ETFB: variants seen among roughly 807,000 people sequenced by gnomAD.
ETFB encodes the protein beta-ETF.
In ETFB, 20 loss-of-function variants were observed where a neutral mutation model predicts 25.6. The observed-to-expected ratio is 0.78, with a 90% CI of 0.55 to 1.14. ETFB has a LOEUF of 1.14. Ranked by LOEUF, ETFB falls within the 50% of genes most tolerant of loss-of-function variation. ETFB has a pLI of 0.00. For missense variants in ETFB, 286 were observed against 342.6 expected (o/e 0.83, Z 1.30); for synonymous variants, 142 against 146.7 (o/e 0.97, Z 0.23).
chr19:51,355,035 A>G (rs1187502020), intron 1 of ETFB: 1 of 226,018 alleles, frequency 4.4e-6, no homozygotes, highest in African/African-American at 2.3e-5. Flanking sequence ...AGAGTTATGC[A>G]GATAGCTTTA....
At chr19:51,347,090 T>C in intron 4 of ETFB, 32 bp from the exon 5 acceptor site, 1 of 1,612,610 alleles carries the variant, frequency 6.2e-7, no homozygotes, top group Non-Finnish European at 8.5e-7. Context: ...GGAGAGTGGG[T>C]GAGGCTAATT....
At chr19:51,351,577 G>C (rs1985934403) in intron 3 of ETFB, among the ~76,000 whole-genome samples, 1 of 152,224 alleles carries the variant, frequency 6.6e-6, no homozygotes, top group African/African-American at 2.4e-5. Context: ...CAAATGCAGG[G>C]GGCTGCAAAG....
intron 4 of ETFB, 122 bp downstream of exon 4, chr19:51,350,207 G>A (rs1985897776): frequency 9.1e-7 from 1 of 1,097,144 alleles, no homozygotes; most frequent in Middle Eastern, 2.8e-4. Flanking sequence ...AAAGCCATGA[G>A]GCAATCCGAG....
chr19:51,347,611 C>T (rs1172371053), intron 4 of ETFB: 1 of 155,618 alleles, frequency 6.4e-6, no homozygotes, highest in African/African-American at 2.4e-5. Flanking sequence ...CTAGCCAGGT[C>T]CCTTTGCCTC....
chr19:51,355,288 GA>G (rs1374944830), intron 1 of ETFB: 1 of 152,542 alleles, frequency 6.6e-6, no homozygotes, highest in Non-Finnish European at 1.5e-5. Flanking sequence ...CGAAGGATAT[GA>G]ATAGACACTT....
intron 1 of ETFB, chr19:51,354,719 G>A: frequency 1.3e-6 from 2 of 1,540,410 alleles, no homozygotes; most frequent in Non-Finnish European, 1.8e-6. Context: ...GGAAAAACCA[G>A]TTAGGTAGAC....
intron 3 of ETFB, among the ~76,000 whole-genome samples, chr19:51,352,570 C>T (rs1376743094): frequency 6.6e-6 from 1 of 152,160 alleles, no homozygotes; most frequent in East Asian, 1.9e-4. Context: ...ATGTGACCAT[C>T]ACCTCGGCCT....
chr19:51,352,058 G>A (rs976208743), intron 3 of ETFB, among the ~76,000 whole-genome samples: 2 of 151,964 alleles, frequency 1.3e-5, no homozygotes, highest in East Asian at 3.9e-4. Flanking sequence ...CAGAGGTGGT[G>A]CCCGAGGGTC....
At chr19:51,357,837 T>C (rs951242713) in intron 1 of ETFB, among the ~76,000 whole-genome samples, 3 of 151,614 alleles carry the variant, frequency 2.0e-5, no homozygotes, top group Non-Finnish European at 2.9e-5. Context: ...GTGGAGAAAA[T>C]TGGAAAAGGA....
chr19:51,350,469 G>T, intron 3 of ETFB, 78 bp from the exon 4 acceptor site: 5 of 791,398 alleles, frequency 6.3e-6, no homozygotes, highest in Middle Eastern at 2.5e-4. Flanking sequence ...TAGAACAGGG[G>T]TTGGCAAACT....
At chr19:51,364,524 C>T (rs11882650) in intron 1 of ETFB, among the ~76,000 whole-genome samples, 7,011 of 152,234 alleles carry the variant, frequency 0.046, 574 homozygotes, top group African/African-American at 0.16. Context: ...CTGAGTCAAA[C>T]GTGGGCCTGC....
intron 1 of ETFB, chr19:51,365,557 T>C (rs577716598): frequency 6.5e-6 from 1 of 154,228 alleles, no homozygotes; most frequent in South Asian, 2.0e-4. Context: ...AGGCCAAGCA[T>C]TGAGAGAAAC....
intron 3 of ETFB, among the ~76,000 whole-genome samples, chr19:51,352,432 C>A (rs1482377905): frequency 4.6e-5 from 7 of 152,086 alleles, no homozygotes; most frequent in Admixed American, 4.6e-4. Flanking sequence ...ACCTGTGTTA[C>A]CAAGGCAGAC....
At chr19:51,354,630 G>C in intron 1 of ETFB, 1 of 1,596,356 alleles carries the variant, frequency 6.3e-7, no homozygotes, top group Non-Finnish European at 8.5e-7. Flanking sequence ...CCCACAGTGA[G>C]AGGTACATTT....
At chr19:51,353,449 C>G (rs1255909426) in intron 2 of ETFB, among the ~76,000 whole-genome samples, 159 bp from the exon 3 acceptor site, 1 of 102,642 alleles carries the variant, frequency 9.7e-6, no homozygotes, top group Non-Finnish European at 2.1e-5. Context: ...TCCTCAGACC[C>G]AGGAGTCCGG....
intron 1 of ETFB, chr19:51,354,813 G>A: frequency 1.5e-6 from 1 of 685,714 alleles, no homozygotes; most frequent in East Asian, 2.8e-5. Context: ...GAAAACTCAA[G>A]CTGCCCAGCA....
intron 1 of ETFB, among the ~76,000 whole-genome samples, chr19:51,357,375 G>A (rs1160411680): frequency 2.8e-4 from 29 of 103,684 alleles, no homozygotes. Flanking sequence ...TGGCCAGCCT[G>A]CAAAGACCCT....
rs745810923 is a variant in ETFB, at chr19:51,366,312, G to C, written c.15C>G (p.Arg5=). The C allele has an allele frequency of 6.2e-7, 1 of 1,612,808 alleles. No individual in the cohort carries two copies. Among genetic ancestry groups the C allele is most frequent in the Non-Finnish European group, 8.5e-7 (1 of 1,179,838 alleles). Residue 5 remains arginine (R), a synonymous_variant, in exon 1 of 6, where the codon CGC becomes CGG. Coordinates refer to ENST00000309244, the MANE Select transcript of ETFB (RefSeq NM_001985.3). The part of the protein sequence containing the change: MAEL[R]VLVAVKRVID... ...TGACCCTCTTGACAGCTACGAGCAC[G>C]CGCAGCTCCGCCATCTTCCCGCCGC... is the stretch of plus-strand genomic sequence containing the variant.
intron 1 of ETFB, among the ~76,000 whole-genome samples, chr19:51,359,580 G>GACAC (rs142691724): frequency 4.0e-5 from 6 of 150,768 alleles, no homozygotes; most frequent in African/African-American, 9.7e-5. Flanking sequence ...GAACTTTCCA[G>GACAC]ACACACACAC....
Sources: allele counts gnomAD v4.1 joint callset (sites outside exome capture counted in the v4.1 genomes callset), GRCh38; gene constraint gnomAD v4.1.1; transcripts MANE v1.5; gene names NCBI Gene and HGNC (gene_info 2026-07-23, HGNC 2026-07-21).